IMMP2L: variants seen among roughly 807,000 people sequenced by gnomAD.
The protein encoded by IMMP2L is inner mitochondrial membrane peptidase subunit 2, also known as mitochondrial inner membrane protease subunit 2.
Under a neutral mutation model 19.3 loss-of-function variants are expected in IMMP2L, and 18 were observed. That is an observed-to-expected ratio of 0.93 (90% CI 0.64 to 1.38). IMMP2L has a LOEUF of 1.38. IMMP2L is among the 40% of genes most tolerant of loss of function. The probability of loss-of-function intolerance (pLI) is 0.00; values close to 1 mark genes in which losing one functional copy is unlikely to be tolerated. For synonymous variants in IMMP2L, 76 were observed against 73.0 expected (o/e 1.04, Z -0.21); for missense variants, 233 against 218.2 (o/e 1.07, Z -0.43).
intron 5 of IMMP2L, among the ~76,000 whole-genome samples, chr7:110,825,636 G>A (rs1803416379): frequency 6.6e-6 from 1 of 152,152 alleles, no homozygotes; most frequent in Non-Finnish European, 1.5e-5. Context: ...CTAGTCATAT[G>A]TAGAAAGCTG....
chr7:111,211,707 A>T (rs1811327639), intron 3 of IMMP2L, among the ~76,000 whole-genome samples: 1 of 152,242 alleles, frequency 6.6e-6, no homozygotes, highest in African/African-American at 2.4e-5. Context: ...TCAAAACTTC[A>T]GATTAGAAGA....
chr7:110,977,993 T>C (rs527334640), intron 3 of IMMP2L, among the ~76,000 whole-genome samples: 1 of 152,184 alleles, frequency 6.6e-6, no homozygotes, highest in Non-Finnish European at 1.5e-5. Context: ...ATCTGTTGTG[T>C]ATTTTAATTA....
chr7:110,932,481 G>A (rs1431704551), intron 4 of IMMP2L, among the ~76,000 whole-genome samples: 1 of 152,092 alleles, frequency 6.6e-6, no homozygotes. Flanking sequence ...AGCCTCCTGA[G>A]TAGCTGGGAC....
chr7:110,776,183 G>GA (rs199553684), intron 5 of IMMP2L, among the ~76,000 whole-genome samples: 1,712 of 152,126 alleles, frequency 0.011, 37 homozygotes, highest in African/African-American at 0.04. Context: ...CTCCAGGGCA[G>GA]TTAGCATCAG....
Position 110,795,233 on chromosome 7 carries a change from C to CTT in IMMP2L, c.408+91358_408+91359dup, listed in dbSNP as rs145670616. 2.6e-5 allele frequency among the ~76,000 whole-genome samples: 4 copies of CTT among 152,098 alleles called. No individual in the cohort carries two copies. In the East Asian group the frequency reaches 5.8e-4, roughly 22 times the overall value. ...GTTTTCTATTTGGACCCCAGCCTTG[C>CTT]TTTTTTTACTGGCCACTACCAAACC... On this transcript the variant is annotated intron_variant, in intron 5 of 5. Coordinates refer to ENST00000405709, the MANE Select transcript of IMMP2L (RefSeq NM_032549.4).
At chr7:110,753,593 A>T (rs1797861884) in intron 5 of IMMP2L, among the ~76,000 whole-genome samples, 1 of 152,054 alleles carries the variant, frequency 6.6e-6, no homozygotes, top group Admixed American at 6.6e-5. Context: ...GGAATTGCAA[A>T]TGTATTCATT....
chr7:111,286,921 A>G (rs965565916), intron 3 of IMMP2L, among the ~76,000 whole-genome samples: 5 of 152,136 alleles, frequency 3.3e-5, no homozygotes, highest in African/African-American at 1.2e-4. Flanking sequence ...CCATGCTGTA[A>G]AAGAAAACAT....
intron 3 of IMMP2L, among the ~76,000 whole-genome samples, chr7:111,214,395 T>G (rs1811685967): frequency 7.8e-6 from 1 of 127,590 alleles, no homozygotes; most frequent in Admixed American, 9.3e-5. Context: ...CAGGCTGGAG[T>G]GCAGTGGCAT....
At chr7:110,672,273 G>A (rs564228908) in intron 5 of IMMP2L, among the ~76,000 whole-genome samples, 1 of 152,176 alleles carries the variant, frequency 6.6e-6, no homozygotes, top group East Asian at 1.9e-4. Context: ...CAGATCTCAT[G>A]AGACTCACGC....
At chr7:111,462,648 G>A (rs560632774) in intron 3 of IMMP2L, among the ~76,000 whole-genome samples, 1 of 152,180 alleles carries the variant, frequency 6.6e-6, no homozygotes, top group South Asian at 2.1e-4. Flanking sequence ...ATTTCTTTGT[G>A]TGATAGAGCT....
intron 3 of IMMP2L, among the ~76,000 whole-genome samples, chr7:111,167,082 C>G (rs149530268): frequency 1.3e-5 from 2 of 152,102 alleles, no homozygotes; most frequent in African/African-American, 4.8e-5. Flanking sequence ...CCATGTGAAG[C>G]TGTTATGATG....
chr7:111,420,320 A>G (rs1835366990), intron 3 of IMMP2L, among the ~76,000 whole-genome samples: 1 of 151,862 alleles, frequency 6.6e-6, no homozygotes, highest in African/African-American at 2.4e-5. Flanking sequence ...TTGAGAGATC[A>G]CAAAAGAAAT....
chr7:110,739,664 A>G (rs1167500470), intron 5 of IMMP2L, among the ~76,000 whole-genome samples: 1 of 152,188 alleles, frequency 6.6e-6, no homozygotes, highest in Non-Finnish European at 1.5e-5. Context: ...CAAGACAGAA[A>G]GTCAACAGAG....
chr7:110,929,849 A>T lies in IMMP2L; in HGVS notation c.305+33651T>A, dbSNP rs148051195. Among the ~76,000 whole-genome samples the T allele has an allele frequency of 4.4e-3, 672 of 152,302 alleles. 4 individuals are homozygous for T. Among genetic ancestry groups the T allele is most frequent in the Middle Eastern group, 0.017 (5 of 294 alleles). ...AGAAGTGACAGAGAAGGTGCCATTT[A>T]CAAAGAGAAATGTCATGAAATGATT... On this transcript the variant is annotated intron_variant, in intron 4 of 5. Transcript: ENST00000405709.
intron 3 of IMMP2L, among the ~76,000 whole-genome samples, chr7:111,441,735 AAG>A (rs1837743505): frequency 6.6e-6 from 1 of 151,166 alleles, no homozygotes; most frequent in African/African-American, 2.5e-5. Context: ...AAAAAAAAAA[AAG>A]AAAACACAGT....
At chr7:111,093,052 A>G (rs1797028745) in intron 3 of IMMP2L, among the ~76,000 whole-genome samples, 1 of 152,256 alleles carries the variant, frequency 6.6e-6, no homozygotes, top group African/African-American at 2.4e-5. Flanking sequence ...GTGTCAAAAA[A>G]ATGAGTCAGT....
At chr7:110,732,755 T>G (rs1168302843) in intron 5 of IMMP2L, among the ~76,000 whole-genome samples, 7 of 152,082 alleles carry the variant, frequency 4.6e-5, no homozygotes, top group Admixed American at 3.3e-4. Context: ...TAAAAGTTGA[T>G]GAATGGAAAA....
chr7:110,829,345 A>G (rs1043500753), intron 5 of IMMP2L, among the ~76,000 whole-genome samples: 2 of 152,186 alleles, frequency 1.3e-5, no homozygotes, highest in Non-Finnish European at 2.9e-5. Context: ...ATAACAGCTT[A>G]ACAGCTTCAA....
chr7:111,198,004 T>C (rs1809688163), intron 3 of IMMP2L, among the ~76,000 whole-genome samples: 1 of 152,086 alleles, frequency 6.6e-6, no homozygotes, highest in Non-Finnish European at 1.5e-5. Flanking sequence ...ACAGATAATA[T>C]TGCACAGAAG....
Sources: allele counts gnomAD v4.1 joint callset (sites outside exome capture counted in the v4.1 genomes callset), GRCh38; gene constraint gnomAD v4.1.1; transcripts MANE v1.5; gene names NCBI Gene and HGNC (gene_info 2026-07-23, HGNC 2026-07-21).